The following RPS6KC1 variants were observed in gnomAD, a reference collection of about 807,000 sequenced individuals.
RPS6KC1 encodes ribosomal protein S6 kinase C1.
In RPS6KC1, 54 loss-of-function variants were observed where a neutral mutation model predicts 103.8. The observed-to-expected ratio is 0.52, with a 90% CI of 0.42 to 0.65. RPS6KC1 has a LOEUF of 0.65. Among genes scored for constraint, RPS6KC1 ranks in the 30% least tolerant of loss-of-function variants. The pLI is 0.00. For synonymous variants in RPS6KC1, 439 were observed against 438.7 expected (o/e 1.00, Z -0.01); for missense variants, 1,151 against 1,253.8 (o/e 0.92, Z 1.24).
chr1:213,327,637 GGGA>G, the RPS6KC1 span, among the ~76,000 whole-genome samples: 1 of 152,172 alleles, frequency 6.6e-6, no homozygotes, highest in Non-Finnish European at 1.5e-5. Context: ...GTTGGGAAGA[GGGA>G]GGAGAAGGTT....
At chr1:213,525,994 G>A in the RPS6KC1 span, among the ~76,000 whole-genome samples, 9 of 152,226 alleles carry the variant, frequency 5.9e-5, no homozygotes, top group East Asian at 1.4e-3. Flanking sequence ...GGAGATGTGG[G>A]GTCCAGGGAG....
chr1:213,176,082 A>T (rs1350704142), intron 7 of RPS6KC1, among the ~76,000 whole-genome samples: 1 of 152,252 alleles, frequency 6.6e-6, no homozygotes, highest in South Asian at 2.1e-4. Context: ...ATTTGTTACA[A>T]AGTTTTATGA....
At chr1:213,306,179 G>T in the RPS6KC1 span, among the ~76,000 whole-genome samples, 17 of 152,276 alleles carry the variant, frequency 1.1e-4, 1 homozygote, top group African/African-American at 4.1e-4. Flanking sequence ...AGAAAGTTAA[G>T]CATTCTCTTA....
At chr1:213,629,388 A>G in the RPS6KC1 span, among the ~76,000 whole-genome samples, 1 of 151,870 alleles carries the variant, frequency 6.6e-6, no homozygotes, top group African/African-American at 2.4e-5. Context: ...CTGTTTTATC[A>G]GAGACTAGGA....
chr1:213,654,988 G>A, the RPS6KC1 span, among the ~76,000 whole-genome samples: 29 of 152,180 alleles, frequency 1.9e-4, 1 homozygote, highest in Admixed American at 1.9e-3. Flanking sequence ...AAGTGTCCCA[G>A]TCTTGGAGAG....
intron 12 of RPS6KC1, among the ~76,000 whole-genome samples, chr1:213,258,194 G>A (rs1352567697): frequency 1.3e-5 from 2 of 152,130 alleles, no homozygotes; most frequent in South Asian, 2.1e-4. Flanking sequence ...TGTTAGCCAG[G>A]ATGGTCTCGA....
chr1:213,730,785 C>T, the RPS6KC1 span, among the ~76,000 whole-genome samples: 2 of 152,156 alleles, frequency 1.3e-5, no homozygotes, highest in African/African-American at 2.4e-5. Context: ...AATTAGATCC[C>T]ATTTGTCAAT....
chr1:213,446,082 G>C, the RPS6KC1 span, among the ~76,000 whole-genome samples: 4 of 152,152 alleles, frequency 2.6e-5, no homozygotes, highest in Non-Finnish European at 5.9e-5. Flanking sequence ...GGAGAGGATC[G>C]TGCTGTTGAA....
At chr1:213,501,780 A>T in the RPS6KC1 span, among the ~76,000 whole-genome samples, 1 of 152,298 alleles carries the variant, frequency 6.6e-6, no homozygotes, top group African/African-American at 2.4e-5. Context: ...GGATTTTAAA[A>T]TAAATTTACA....
the RPS6KC1 span, among the ~76,000 whole-genome samples, chr1:213,664,703 T>C: frequency 3.3e-5 from 5 of 152,214 alleles, no homozygotes; most frequent in Non-Finnish European, 5.9e-5. Context: ...CCCTGCCTGG[T>C]CCATGTTGCA....
At chr1:213,305,532 A>C in the RPS6KC1 span, among the ~76,000 whole-genome samples, 2 of 152,148 alleles carry the variant, frequency 1.3e-5, no homozygotes, top group East Asian at 1.9e-4. Flanking sequence ...AGAAACTCCA[A>C]CTCCGTTCAG....
chr1:213,744,831 C>T, the RPS6KC1 span, among the ~76,000 whole-genome samples: 1 of 152,202 alleles, frequency 6.6e-6, no homozygotes, highest in South Asian at 2.1e-4. Flanking sequence ...TACAAAAGCA[C>T]AGGAACAAAT....
chr1:213,597,456 A>T, the RPS6KC1 span, among the ~76,000 whole-genome samples: 3 of 152,188 alleles, frequency 2.0e-5, no homozygotes, highest in Non-Finnish European at 2.9e-5. Context: ...GGTGATGTGA[A>T]GAAGGAAACA....
At chr1:213,862,186 C>T in the RPS6KC1 span, among the ~76,000 whole-genome samples, 2 of 152,278 alleles carry the variant, frequency 1.3e-5, no homozygotes, top group East Asian at 3.9e-4. Context: ...AAGGCCCAGC[C>T]GCGATAAGAA....
At chr1:213,740,661 A>ACG in the RPS6KC1 span, among the ~76,000 whole-genome samples, 11 of 151,646 alleles carry the variant, frequency 7.3e-5, no homozygotes, top group African/African-American at 2.7e-4. Flanking sequence ...TCTCAGATAT[A>ACG]TATACACATA....
At chr1:213,621,268 C>T in the RPS6KC1 span, among the ~76,000 whole-genome samples, 2 of 152,194 alleles carry the variant, frequency 1.3e-5, no homozygotes, top group East Asian at 1.9e-4. Flanking sequence ...CAGAAACACG[C>T]GTAGAAGCCA....
intron 8 of RPS6KC1, among the ~76,000 whole-genome samples, chr1:213,204,620 CTTTT>C (rs35617516): frequency 9.4e-5 from 12 of 127,642 alleles, no homozygotes; most frequent in Non-Finnish European, 1.7e-4. Context: ...TTAATTGTCA[CTTTT>C]TTTTTTTTTT....
At chr1:213,242,701 C>T (rs774280364) in intron 12 of RPS6KC1, 43 bp downstream of exon 12, 8 of 1,358,528 alleles carry the variant, frequency 5.9e-6, no homozygotes, top group South Asian at 3.7e-5. Context: ...AAAAGTGGTT[C>T]GGCAGCTCTC....
chr1:213,176,363 C>G (rs199919760), intron 7 of RPS6KC1, 37 bp from the exon 8 acceptor site: 80 of 1,434,550 alleles, frequency 5.6e-5, no homozygotes, highest in Non-Finnish European at 7.1e-5. Context: ...TCAAGTACCT[C>G]CCTGATTGAT....
Sources: allele counts gnomAD v4.1 joint callset (sites outside exome capture counted in the v4.1 genomes callset), GRCh38; gene constraint gnomAD v4.1.1; transcripts MANE v1.5; gene names NCBI Gene and HGNC (gene_info 2026-07-23, HGNC 2026-07-21).